TCF7: variants seen among roughly 807,000 people sequenced by gnomAD.
TCF7 encodes T-cell-factor-7.
In TCF7, 19 loss-of-function variants were observed where a neutral mutation model predicts 46.8. That is an observed-to-expected ratio of 0.41 (90% confidence interval 0.28 to 0.60). TCF7 has a LOEUF of 0.60. Ranked by LOEUF, TCF7 falls within the 20% of genes least tolerant of loss-of-function variation. TCF7 has a pLI of 0.35. For synonymous variants in TCF7, 245 were observed against 213.4 expected (o/e 1.15, Z -1.29); for missense variants, 547 against 504.6 (o/e 1.08, Z -0.81).
At chr5:134,115,246 AGC>A (rs1000188656) in intron 1 of TCF7, 73 bp from the exon 2 acceptor site, 1 of 1,396,040 alleles carries the variant, frequency 7.2e-7, no homozygotes, top group African/African-American at 1.5e-5. Flanking sequence ...CAGCGCGCAG[AGC>A]GTCCCTGCCC....
intron 5 of TCF7, chr5:134,140,670 T>C: frequency 2.7e-6 from 1 of 376,542 alleles, no homozygotes; most frequent in South Asian, 1.9e-5. Context: ...TGGCAGATGC[T>C]TGAAATTCCA....
rs761894507 is a variant in TCF7, at chr5:134,146,400, C to G, written c.*97C>G. 8 of 1,453,924 alleles carry G rather than the reference C, an allele frequency of 5.5e-6. No homozygotes were observed. The highest frequency in any genetic ancestry group is 7.7e-6 in the Non-Finnish European group (8 of 1,034,308). 90.1% of individuals were successfully genotyped at this position (1,453,924 alleles called of 1,614,324 possible). A position where few individuals can be genotyped will look rare whatever the true frequency, so the allele number is the denominator to read the frequency against. Reference sequence around the variant, plus strand: ...CTTACTAGCCCTGCGGAGCCGGCACCTACATCCCCAGGTCTCTCCACTGCT... The same window carrying G: ...CTTACTAGCCCTGCGGAGCCGGCACGTACATCCCCAGGTCTCTCCACTGCT... On this transcript the variant is annotated 3_prime_UTR_variant, in exon 10 of 10. Coordinates refer to ENST00000342854, the MANE Select transcript of TCF7 (RefSeq NM_003202.5).
intron 3 of TCF7, among the ~76,000 whole-genome samples, chr5:134,117,221 T>C (rs1252871439): frequency 2.0e-5 from 3 of 152,276 alleles, no homozygotes. Context: ...TGCTCTGGGG[T>C]GGCTTGGTAT....
In TCF7 at chr5:134,146,667, T is replaced by C; in HGVS notation, c.*364T>C. On this transcript the variant is annotated 3_prime_UTR_variant, in exon 10 of 10. Transcript: ENST00000342854. ...TTTCAGAGGCTGCAGGACTTCTGCC[T>C]GAACCTGGGGTCATCGATTCAAACT... 1 of 641,434 alleles carries C rather than the reference T, an allele frequency of 1.6e-6. No individual in the cohort carries two copies. The allele number at this position is 641,434 out of a possible 1,614,324, so 39.7% of individuals were successfully genotyped here. A position where few individuals can be genotyped will look rare whatever the true frequency, so the allele number is the denominator to read the frequency against.
At chr5:134,124,397 T>C (rs763906443) in intron 3 of TCF7, among the ~76,000 whole-genome samples, 3 of 152,192 alleles carry the variant, frequency 2.0e-5, no homozygotes, top group Non-Finnish European at 4.4e-5. Context: ...TTCCCCTGCT[T>C]TCTGCTGGAA....
In TCF7 at chr5:134,138,173, C is replaced by G. The variant is rs55718907; in HGVS notation, c.547+9C>G. 8 of 1,612,088 alleles carry G rather than the reference C, an allele frequency of 5.0e-6. No individual in the cohort carries two copies. The East Asian group carries it at 1.8e-4, about 36-fold the overall frequency. On this transcript the variant is annotated intron_variant, in intron 4 of 9. Coordinates refer to ENST00000342854, the MANE Select transcript of TCF7 (RefSeq NM_003202.5). ...CATCAGCCAGAAGCAAGGTACAAGCCTGGGATGGGGAGGGGCCCAGTGAAA... is the reference window on the plus strand; with the variant it reads ...CATCAGCCAGAAGCAAGGTACAAGCGTGGGATGGGGAGGGGCCCAGTGAAA...
chr5:134,125,846 C>G (rs1013358689), intron 3 of TCF7, among the ~76,000 whole-genome samples: 4 of 152,194 alleles, frequency 2.6e-5, no homozygotes, highest in African/African-American at 9.7e-5. Flanking sequence ...AAGCAGGAGG[C>G]AGGGCAGCAC....
chr5:134,111,431 C>T (rs551208709), upstream of TCF7, among the ~76,000 whole-genome samples: 5 of 152,298 alleles, frequency 3.3e-5, no homozygotes, highest in Admixed American at 1.3e-4. Flanking sequence ...AGGGGGGCAA[C>T]CACAGCAGAT....
In TCF7 at chr5:134,114,958, G is replaced by A. The variant is rs1406167595; in HGVS notation, c.52G>A (p.Gly18Ser). The A allele has an allele frequency of 1.7e-6, 2 of 1,158,824 alleles. No individual in the cohort carries two copies. Among genetic ancestry groups the A allele is most frequent in the Non-Finnish European group, 1.1e-6 (1 of 921,010 alleles). 71.8% of individuals were successfully genotyped at this position (1,158,824 alleles called of 1,614,324 possible). A position where few individuals can be genotyped will look rare whatever the true frequency, so the allele number is the denominator to read the frequency against. Reference sequence around the variant, plus strand: ...CGGCGCGGGCGGCGGCGACGACCTCGGCGCGCCGGACGAGCTGCTGGCCTT... The same window carrying A: ...CGGCGCGGGCGGCGGCGACGACCTCAGCGCGCCGGACGAGCTGCTGGCCTT... Reference protein sequence around the residue: ...GGGAGGGDDLGAPDELLAFQD... With the variant: ...GGGAGGGDDLSAPDELLAFQD... Residue 18 changes from glycine to serine, a missense_variant, in exon 1 of 10, where the codon GGC (glycine) becomes AGC (serine). Around this residue, in one of 3 missense-constraint regions of TCF7, gnomAD observed 425 missense variants for 349.9 expected, o/e 1.21. Coordinates refer to ENST00000342854, the MANE Select transcript of TCF7 (RefSeq NM_003202.5).
intron 3 of TCF7, among the ~76,000 whole-genome samples, chr5:134,128,763 T>C (rs1422705078): frequency 6.6e-6 from 1 of 152,010 alleles, no homozygotes; most frequent in Non-Finnish European, 1.5e-5. Context: ...GGACAAGCCG[T>C]GGCGAGAGCA....
intron 5 of TCF7, chr5:134,139,903 T>G (rs750742347): frequency 1.3e-5 from 2 of 152,138 alleles, no homozygotes; most frequent in Non-Finnish European, 2.9e-5. Context: ...TTAAGACTAC[T>G]CCCATGAATA....
chr5:134,114,977 T>C lies in TCF7; in HGVS notation c.71T>C (p.Leu24Pro). ...GACCTCGGCGCGCCGGACGAGCTGCTGGCCTTCCAGGATGAAGGCGAGGAG... is the reference window on the plus strand; with the variant it reads ...GACCTCGGCGCGCCGGACGAGCTGCCGGCCTTCCAGGATGAAGGCGAGGAG... ...GDDLGAPDEL[L>P]AFQDEGEEQD... Residue 24 changes from leucine (L) to proline (P), a missense_variant, in exon 1 of 10, where the codon CTG (leucine) becomes CCG (proline). This residue lies in a region of TCF7 where 425 missense variants were observed against 349.9 expected (regional missense o/e 1.21). Transcript: ENST00000342854. The C allele has an allele frequency of 8.3e-7, 1 of 1,205,154 alleles. No individual in the cohort carries two copies. Among genetic ancestry groups the C allele is most frequent in the Non-Finnish European group, 1.1e-6 (1 of 946,134 alleles). The allele number at this position is 1,205,154 out of a possible 1,614,324, so 74.7% of individuals were successfully genotyped here.
At chr5:134,126,699 C>T (rs1757390156) in intron 3 of TCF7, among the ~76,000 whole-genome samples, 1 of 152,086 alleles carries the variant, frequency 6.6e-6, no homozygotes, top group South Asian at 2.1e-4. Flanking sequence ...GAGTTTGAGA[C>T]CAGCCTGACC....
chr5:134,122,964 C>G (rs767628757), intron 3 of TCF7, among the ~76,000 whole-genome samples: 4 of 152,156 alleles, frequency 2.6e-5, no homozygotes, highest in Non-Finnish European at 5.9e-5. Flanking sequence ...GACACTGTAT[C>G]TGCCATTCTT....
intron 3 of TCF7, among the ~76,000 whole-genome samples, chr5:134,116,701 C>T (rs753496542): frequency 3.9e-5 from 6 of 152,228 alleles, no homozygotes; most frequent in African/African-American, 1.4e-4. Flanking sequence ...ATTTTTAAGT[C>T]CCAGTGCTTT....
intron 3 of TCF7, chr5:134,123,578 G>A (rs551800610): frequency 2.4e-6 from 1 of 418,020 alleles, no homozygotes; most frequent in African/African-American, 2.0e-5. Context: ...AACAAAGGAG[G>A]AGAGAGGCAG....
chr5:134,126,759 C>T (rs1362233797), intron 3 of TCF7, among the ~76,000 whole-genome samples: 10 of 152,032 alleles, frequency 6.6e-5, no homozygotes, highest in Non-Finnish European at 1.0e-4. Context: ...TAGCCGGGTG[C>T]GGTGGCACAC....
chr5:134,115,038 C>G lies in TCF7; in HGVS notation c.132C>G (p.Pro44=). ...DDKSRDSAAG[P]ERDLAELKSS... is the part of the protein sequence containing the mutation. ...AGAGCCGCGACAGCGCCGCCGGTCCCGAGCGCGACCTGGCCGAGCTCAAGT... is the reference window on the plus strand; with the variant it reads ...AGAGCCGCGACAGCGCCGCCGGTCCGGAGCGCGACCTGGCCGAGCTCAAGT... Residue 44 remains proline (P), a synonymous_variant, in exon 1 of 10, where the codon CCC becomes CCG. Coordinates refer to ENST00000342854, the MANE Select transcript of TCF7 (RefSeq NM_003202.5). The G allele has an allele frequency of 8.0e-7, 1 of 1,242,298 alleles. No homozygotes were observed. Among genetic ancestry groups the G allele is most frequent in the South Asian group, 1.5e-5 (1 of 64,698 alleles). 77.0% of individuals were successfully genotyped at this position (1,242,298 alleles called of 1,614,324 possible).
chr5:134,112,997 C>T (rs935151843), upstream of TCF7, among the ~76,000 whole-genome samples: 1 of 152,186 alleles, frequency 6.6e-6, no homozygotes, highest in African/African-American at 2.4e-5. Context: ...ATCCGGATTC[C>T]CTTTCAGCTG....
Sources: allele counts gnomAD v4.1 joint callset (sites outside exome capture counted in the v4.1 genomes callset), GRCh38; gene constraint gnomAD v4.1.1; regional missense constraint gnomAD v4.1.1; transcripts MANE v1.5; gene names NCBI Gene and HGNC (gene_info 2026-07-23, HGNC 2026-07-21).